DLG2: variants seen among roughly 807,000 people sequenced by gnomAD.
The protein encoded by DLG2 is discs large MAGUK scaffold protein 2.
A neutral mutation model predicts 132.5 loss-of-function variants in DLG2; 45 were observed. That is an observed-to-expected ratio of 0.34 (90% CI 0.27 to 0.44). The LOEUF (loss-of-function observed/expected upper bound fraction) is 0.44. Among genes scored for constraint, DLG2 ranks in the 20% least tolerant of loss-of-function variants. The pLI, the probability that DLG2 is intolerant of heterozygous loss-of-function variation, is 1.00. For missense variants in DLG2, 1,045 were observed against 1,196.9 expected (o/e 0.87, Z 1.87); for synonymous variants, 424 against 419.6 (o/e 1.01, Z -0.13).
intron 6 of DLG2, among the ~76,000 whole-genome samples, chr11:85,058,570 C>T (rs1475339561): frequency 6.6e-6 from 1 of 151,330 alleles, no homozygotes; most frequent in Non-Finnish European, 1.5e-5. Flanking sequence ...TGCAAATATA[C>T]AAGAATTGCT....
Position 85,111,724 on chromosome 11 carries a change from G to A in DLG2, c.294C>T (p.Gly98=). ...CTGAACAATTCTGGGCTGGGCATCT[G>A]CCTTGGTTTTGCTGCAAATAAGTAA... The part of the protein sequence containing the change: ...ETDETTTQNQ[G]RCPAQNCSVE... The change falls in exon 6 of 28, where the codon GGC becomes GGT. Residue 98 remains glycine (G), a synonymous_variant. Coordinates refer to ENST00000376104, the MANE Select transcript of DLG2 (RefSeq NM_001142699.3). The A allele has an allele frequency of 1.3e-6, 2 of 1,557,870 alleles. No homozygotes were observed. Among genetic ancestry groups the A allele is most frequent in the Non-Finnish European group, 1.7e-6 (2 of 1,150,250 alleles).
intron 18 of DLG2, among the ~76,000 whole-genome samples, chr11:83,716,529 T>C (rs985209751): frequency 3.3e-5 from 5 of 152,228 alleles, no homozygotes; most frequent in Admixed American, 3.3e-4. Context: ...CATGGGGATT[T>C]ATCTATGCTC....
rs143001786 is a variant in DLG2, at chr11:85,321,714, G to A, written c.41-36349C>T. On this transcript the variant is annotated intron_variant, in intron 3 of 27. Coordinates refer to ENST00000376104, the MANE Select transcript of DLG2 (RefSeq NM_001142699.3). ...TAGAGTTAAATGTATCAAGGAGGAGGAAAGGATCAACTGTGACAAAAGATT... is the reference window on the plus strand; with the variant it reads ...TAGAGTTAAATGTATCAAGGAGGAGAAAAGGATCAACTGTGACAAAAGATT... 5.6e-3 allele frequency among the ~76,000 whole-genome samples: 856 copies of A among 152,098 alleles called. 9 individuals carry two copies. Among genetic ancestry groups the A allele is most frequent in the African/African-American group, 0.02 (820 of 41,532 alleles).
intron 7 of DLG2, among the ~76,000 whole-genome samples, chr11:84,507,441 C>T (rs943258496): frequency 6.6e-6 from 1 of 152,178 alleles, no homozygotes; most frequent in Non-Finnish European, 1.5e-5. Flanking sequence ...TGAAGTGCTA[C>T]TTTAAACATG....
At chr11:85,538,666 A>G (rs2075769654) in intron 3 of DLG2, among the ~76,000 whole-genome samples, 1 of 151,922 alleles carries the variant, frequency 6.6e-6, no homozygotes, top group Admixed American at 6.6e-5. Context: ...AGCCATAAAA[A>G]ATGATGAGTT....
At chr11:84,235,328 G>C (rs148549100) in intron 8 of DLG2, among the ~76,000 whole-genome samples, 5 of 152,128 alleles carry the variant, frequency 3.3e-5, no homozygotes, top group Admixed American at 1.3e-4. Context: ...CTGTATCGAG[G>C]GCCGTAGGTT....
At chr11:85,049,097 G>T (rs1364276336) in intron 6 of DLG2, among the ~76,000 whole-genome samples, 1 of 151,908 alleles carries the variant, frequency 6.6e-6, no homozygotes, top group African/African-American at 2.4e-5. Context: ...TCCTAAAGAA[G>T]AAAACCATGA....
At chr11:84,972,757 C>T (rs2054277029) in intron 6 of DLG2, among the ~76,000 whole-genome samples, 1 of 108,440 alleles carries the variant, frequency 9.2e-6, no homozygotes, top group South Asian at 2.5e-4. Context: ...CTTAAATTTA[C>T]ATCACTCACT....
intron 19 of DLG2, among the ~76,000 whole-genome samples, chr11:83,562,966 C>CTTTT (rs527949325): frequency 4.9e-5 from 4 of 81,368 alleles, no homozygotes; most frequent in African/African-American, 1.6e-4. Context: ...TTCCCTAATT[C>CTTTT]TTTTTTTTTT....
At chr11:84,844,449 C>T (rs1035196713) in intron 6 of DLG2, among the ~76,000 whole-genome samples, 6 of 151,798 alleles carry the variant, frequency 4.0e-5, no homozygotes, top group African/African-American at 1.5e-4. Context: ...TCTCTTCATC[C>T]CTCCAGGGAC....
intron 6 of DLG2, among the ~76,000 whole-genome samples, chr11:84,964,979 C>A (rs951838543): frequency 6.6e-6 from 1 of 152,054 alleles, no homozygotes; most frequent in Non-Finnish European, 1.5e-5. Context: ...ATGTCCTCAG[C>A]TGGCCAAAAT....
chr11:84,047,613 G>A (rs537666045), intron 11 of DLG2, among the ~76,000 whole-genome samples: 1 of 151,562 alleles, frequency 6.6e-6, no homozygotes, highest in East Asian at 1.9e-4. Flanking sequence ...AAAACCAAAA[G>A]TACATTTAGT....
intron 8 of DLG2, chr11:84,166,838 C>T (rs981115776): frequency 6.0e-6 from 3 of 501,398 alleles, no homozygotes; most frequent in Admixed American, 2.1e-5. Flanking sequence ...CTTGGTGTCT[C>T]ATATAATATT....
chr11:85,069,808 C>T (rs953265575), intron 6 of DLG2, among the ~76,000 whole-genome samples: 5 of 151,970 alleles, frequency 3.3e-5, no homozygotes, highest in Non-Finnish European at 7.4e-5. Context: ...ACTGGGTACA[C>T]ACCCAAAGGA....
intron 6 of DLG2, among the ~76,000 whole-genome samples, chr11:84,683,384 T>C (rs1308439618): frequency 6.6e-6 from 1 of 152,192 alleles, no homozygotes; most frequent in African/African-American, 2.4e-5. Context: ...ATCTTGCCTG[T>C]ATGTACCTGT....
chr11:84,793,270 T>C (rs1353604732), intron 6 of DLG2, among the ~76,000 whole-genome samples: 2 of 152,234 alleles, frequency 1.3e-5, no homozygotes, highest in African/African-American at 2.4e-5. Flanking sequence ...TCAGAGAAGA[T>C]GAATACTATT....
At chr11:84,110,185 C>A (rs1566544115) in intron 9 of DLG2, among the ~76,000 whole-genome samples, 1 of 152,042 alleles carries the variant, frequency 6.6e-6, no homozygotes, top group Non-Finnish European at 1.5e-5. Context: ...AACAACAGAG[C>A]AAGAATGTGA....
At chr11:83,464,086 G>A (rs542544999) in intron 26 of DLG2, among the ~76,000 whole-genome samples, 1 of 152,344 alleles carries the variant, frequency 6.6e-6, no homozygotes, top group African/African-American at 2.4e-5. Flanking sequence ...ATAATTATAA[G>A]ATAGTTGAAG....
intron 7 of DLG2, among the ~76,000 whole-genome samples, chr11:84,296,175 A>G (rs1438794118): frequency 6.6e-6 from 1 of 152,226 alleles, no homozygotes; most frequent in Non-Finnish European, 1.5e-5. Context: ...TAAAGGAGGA[A>G]AAAATTTTAG....
Sources: gnomAD v4.1 joint callset for allele counts (sites outside exome capture counted in the v4.1 genomes callset) on GRCh38, gnomAD v4.1.1 for gene constraint, MANE v1.5 for transcripts, NCBI Gene and HGNC (gene_info 2026-07-23, HGNC 2026-07-21) for gene names.